The following MPHOSPH9 variants were observed in gnomAD, a reference collection of about 807,000 sequenced individuals.
MPHOSPH9 encodes M-phase phosphoprotein 9.
A neutral mutation model predicts 145.5 loss-of-function variants in MPHOSPH9; 88 were observed. The ratio of observed to expected loss-of-function variants is 0.60; its 90% CI spans 0.51 to 0.72. The LOEUF (loss-of-function observed/expected upper bound fraction) is 0.72. MPHOSPH9 is among the 30% of genes least tolerant of loss of function. The pLI is 0.00. For synonymous variants in MPHOSPH9, 435 were observed against 486.2 expected (o/e 0.89, Z 1.39); for missense variants, 1,238 against 1,386.6 (o/e 0.89, Z 1.70).
At chr12:123,189,855 A>G (rs1005101093) in intron 13 of MPHOSPH9, among the ~76,000 whole-genome samples, 1 of 151,780 alleles carries the variant, frequency 6.6e-6, no homozygotes, top group African/African-American at 2.4e-5. Context: ...AGAATGGCAC[A>G]AACCCGGGAG....
intron 13 of MPHOSPH9, among the ~76,000 whole-genome samples, chr12:123,191,909 A>C (rs150325381): frequency 1.3e-5 from 2 of 152,308 alleles, no homozygotes; most frequent in East Asian, 3.9e-4. Flanking sequence ...CAAAGAAAGG[A>C]CATGCACTTT....
rs548062289 is a variant in MPHOSPH9 at position 123,208,438 on chromosome 12, G to A, written c.1194+1618C>T. On this transcript the variant is annotated intron_variant, in intron 8 of 23. Coordinates refer to ENST00000606320, the MANE Select transcript of MPHOSPH9 (RefSeq NM_022782.4). ...TGTAGACCCAGCTACTCGGGAGGCT[G>A]AGGCAGGATAATCACTTGAACCCGG... Among the ~76,000 whole-genome samples the A allele has an allele frequency of 1.5e-3, 228 of 151,220 alleles. 2 individuals carry two copies. The East Asian group carries it at 0.021, about 14-fold the overall frequency.
At chr12:123,168,404 T>C (rs1349121361) in intron 16 of MPHOSPH9, among the ~76,000 whole-genome samples, 1 of 149,062 alleles carries the variant, frequency 6.7e-6, no homozygotes, top group Non-Finnish European at 1.5e-5. Flanking sequence ...TACGGTGGCG[T>C]GATCTCGGCT....
At position 123,230,536 on chromosome 12, in the gene MPHOSPH9, G is replaced by C. The variant is rs1348819011; in HGVS notation, c.-158-14C>G. On this transcript the variant is annotated splice_polypyrimidine_tract_variant and intron_variant, in intron 1 of 23. Transcript: ENST00000606320. ...TTCCAAGAGAGTCTGAAAATGAATG[G>C]GGGAAAAAAATACTACTATAAAAAG... 4.5e-6 allele frequency: 2 copies of C among 447,462 alleles called. No homozygotes were observed. Among genetic ancestry groups the C allele is most frequent in the Non-Finnish European group, 7.9e-6 (2 of 252,510 alleles). The allele number at this position is 447,462 out of a possible 1,614,324, so 27.7% of individuals were successfully genotyped here. A position where few individuals can be genotyped will look rare whatever the true frequency, so the allele number is the denominator to read the frequency against.
At chr12:123,217,636 A>G (rs1257346869) in intron 6 of MPHOSPH9, among the ~76,000 whole-genome samples, 1 of 152,236 alleles carries the variant, frequency 6.6e-6, no homozygotes, top group Non-Finnish European at 1.5e-5. Flanking sequence ...GGACCTCTGC[A>G]AATGATTCAT....
intron 14 of MPHOSPH9, among the ~76,000 whole-genome samples, chr12:123,180,783 G>A (rs934369818): frequency 2.0e-5 from 3 of 152,058 alleles, no homozygotes; most frequent in Non-Finnish European, 4.4e-5. Flanking sequence ...TAAGGCAGAA[G>A]AATCGCTTGA....
intron 16 of MPHOSPH9, among the ~76,000 whole-genome samples, chr12:123,169,548 T>C (rs1001577249): frequency 6.6e-6 from 1 of 151,836 alleles, no homozygotes; most frequent in African/African-American, 2.4e-5. Flanking sequence ...CAAAGAATAC[T>C]ATAACAAGCA....
rs891206607 is a variant in MPHOSPH9 at position 123,202,698 on chromosome 12, C to G, written c.1707G>C (p.Gln569His). The G allele has an allele frequency of 6.2e-7, 1 of 1,614,176 alleles. No individual in the cohort carries two copies. Among genetic ancestry groups the G allele is most frequent in the Non-Finnish European group, 8.5e-7 (1 of 1,180,036 alleles). The change falls in exon 10 of 24, where the codon CAG becomes CAC. Residue 569 changes from glutamine (Q) to histidine (H), a missense_variant. By Grantham distance (24) the Gln-to-His change is conservative. This residue lies in a region of MPHOSPH9 where 837 missense variants were observed against 897.5 expected (regional missense o/e 0.93). Coordinates refer to ENST00000606320, the MANE Select transcript of MPHOSPH9 (RefSeq NM_022782.4). Reference sequence around the variant, plus strand: ...GGACACTGTTGGCTGTACCTGGAAGCTGGGACTGACTGACTGAGGCCGAAG... The same window carrying G: ...GGACACTGTTGGCTGTACCTGGAAGGTGGGACTGACTGACTGAGGCCGAAG... ...MVASASVSQS[Q>H]LPGTANSVPE...
chr12:123,172,859 G>A (rs928611665), intron 16 of MPHOSPH9, among the ~76,000 whole-genome samples: 3 of 106,426 alleles, frequency 2.8e-5, no homozygotes, highest in African/African-American at 8.5e-5. Flanking sequence ...TAGACTTTCA[G>A]GTTTTCATTC....
Position 123,231,246 on chromosome 12 carries a change from A to G in MPHOSPH9, c.-158-724T>C, listed in dbSNP as rs183862871. On this transcript the variant is annotated intron_variant, in intron 1 of 23. Transcript: ENST00000606320. ...CTCAGCCTCCCGAGCAGCTGGGATT[A>G]TAGCGCAAACCATTTTGCCAGGCTT... Among the ~76,000 whole-genome samples, 246 of 152,328 alleles carry G rather than the reference A, an allele frequency of 1.6e-3. 3 individuals are homozygous for G. The highest frequency in any genetic ancestry group is 5.5e-3 in the African/African-American group (229 of 41,588).
intron 13 of MPHOSPH9, among the ~76,000 whole-genome samples, chr12:123,194,043 C>T (rs1372353167): frequency 6.6e-5 from 10 of 151,750 alleles, no homozygotes; most frequent in African/African-American, 1.5e-4. Flanking sequence ...CTGAGGCGGG[C>T]GGATCACCTG....
intron 13 of MPHOSPH9, among the ~76,000 whole-genome samples, chr12:123,184,993 A>G (rs1233220921): frequency 2.6e-5 from 4 of 151,944 alleles, no homozygotes; most frequent in Non-Finnish European, 5.9e-5. Flanking sequence ...TAGTAGAGAC[A>G]GGGTTTCACC....
chr12:123,170,566 G>A (rs1033308678), intron 16 of MPHOSPH9, among the ~76,000 whole-genome samples: 2 of 152,066 alleles, frequency 1.3e-5, no homozygotes, highest in African/African-American at 4.8e-5. Context: ...ATAGACGTGA[G>A]CCACCACACC....
chr12:123,188,406 A>C (rs2045541861), intron 13 of MPHOSPH9, among the ~76,000 whole-genome samples: 1 of 78,504 alleles, frequency 1.3e-5, no homozygotes, highest in South Asian at 5.5e-4. Flanking sequence ...AGAGAAAGAG[A>C]CTATTATAAC....
chr12:123,238,821 C>T (rs937004073), intron 1 of MPHOSPH9, among the ~76,000 whole-genome samples: 1 of 152,088 alleles, frequency 6.6e-6, no homozygotes. Flanking sequence ...GCTTTTGCCA[C>T]TATGTGGACC....
chr12:123,237,313 C>G (rs2047866889), upstream of MPHOSPH9, among the ~76,000 whole-genome samples: 1 of 152,066 alleles, frequency 6.6e-6, no homozygotes, highest in South Asian at 2.1e-4. Context: ...GCCTGTAGTC[C>G]CAGATACTCA....
chr12:123,181,257 T>C (rs2045127397), intron 13 of MPHOSPH9, 47 bp from the exon 14 acceptor site: 1 of 1,514,650 alleles, frequency 6.6e-7, no homozygotes. Context: ...TTAAACGTTA[T>C]TCTATCAACT....
chr12:123,183,475 A>G (rs1615694), intron 13 of MPHOSPH9, among the ~76,000 whole-genome samples: 95,754 of 148,422 alleles, frequency 0.65, 35,385 homozygotes, highest in East Asian at 1. Flanking sequence ...TTGAACTTGG[A>G]AGGCAGAGGT....
chr12:123,216,720 A>G (rs2046977625), intron 6 of MPHOSPH9, among the ~76,000 whole-genome samples: 1 of 152,062 alleles, frequency 6.6e-6, no homozygotes, highest in African/African-American at 2.4e-5. Flanking sequence ...TCTTTGGGCC[A>G]GGAACAGTGG....
Sources: gnomAD v4.1 joint callset for allele counts (sites outside exome capture counted in the v4.1 genomes callset) on GRCh38, gnomAD v4.1.1 for gene constraint, gnomAD v4.1.1 regional missense constraint, MANE v1.5 for transcripts, NCBI Gene and HGNC (gene_info 2026-07-23, HGNC 2026-07-21) for gene names.